The following VPS8 variants were observed in gnomAD, a reference collection of about 807,000 sequenced individuals.
VPS8 encodes the protein VPS8 subunit of CORVET complex, also known as vacuolar protein sorting-associated protein 8 homolog.
Under a neutral mutation model 216.4 loss-of-function variants are expected in VPS8, and 129 were observed. The ratio of observed to expected loss-of-function variants is 0.60; its 90% CI spans 0.52 to 0.69. The LOEUF is 0.69. VPS8 is among the 30% of genes least tolerant of loss of function. VPS8 has a pLI of 0.00. For missense variants in VPS8, 1,531 were observed against 1,683.5 expected (o/e 0.91, Z 1.59); for synonymous variants, 571 against 565.4 (o/e 1.01, Z -0.14).
At chr3:185,041,528 A>T (rs1307160663) in intron 46 of VPS8, among the ~76,000 whole-genome samples, 1 of 152,086 alleles carries the variant, frequency 6.6e-6, no homozygotes, top group Non-Finnish European at 1.5e-5. Context: ...GAGATTATTG[A>T]TCGAGTTACA....
intron 45 of VPS8, among the ~76,000 whole-genome samples, chr3:185,000,241 G>A (rs1045410449): frequency 1.3e-5 from 2 of 152,208 alleles, no homozygotes; most frequent in Admixed American, 6.5e-5. Flanking sequence ...TGACTTTTAA[G>A]TAGGGCTGAT....
At chr3:184,986,232 A>G (rs1238641799) in intron 42 of VPS8, among the ~76,000 whole-genome samples, 1 of 152,208 alleles carries the variant, frequency 6.6e-6, no homozygotes, top group Admixed American at 6.5e-5. Context: ...GGATTATTCT[A>G]TATACACAAA....
intron 40 of VPS8, among the ~76,000 whole-genome samples, chr3:184,975,671 A>T (rs923689930): frequency 6.6e-6 from 1 of 152,078 alleles, no homozygotes; most frequent in Non-Finnish European, 1.5e-5. Context: ...TTTTGGTATG[A>T]TGTTAGCTGT....
At chr3:184,822,157 TG>T (rs1321834118) in intron 1 of VPS8, among the ~76,000 whole-genome samples, 2 of 151,868 alleles carry the variant, frequency 1.3e-5, no homozygotes, top group Admixed American at 6.6e-5. Context: ...TTTTATTTTT[TG>T]GGGGGTCAGG....
At chr3:184,879,848 C>T (rs1464831702) in intron 21 of VPS8, among the ~76,000 whole-genome samples, 3 of 152,158 alleles carry the variant, frequency 2.0e-5, no homozygotes, top group Non-Finnish European at 4.4e-5. Flanking sequence ...AGGGATTATC[C>T]ACTGGACAAT....
At chr3:184,885,835 G>C (rs988243633) in intron 21 of VPS8, 33 of 289,532 alleles carry the variant, frequency 1.1e-4, no homozygotes, top group African/African-American at 6.6e-4. Flanking sequence ...TCCTTCTTCT[G>C]CTCCCTCTGT....
chr3:184,865,056 TA>T (rs1727081373), intron 16 of VPS8, among the ~76,000 whole-genome samples: 1 of 152,148 alleles, frequency 6.6e-6, no homozygotes, highest in Non-Finnish European at 1.5e-5. Flanking sequence ...TAGATGGGAT[TA>T]ATGGCAGATT....
At chr3:184,959,805 CT>C (rs1327486175) in intron 37 of VPS8, among the ~76,000 whole-genome samples, 9 of 151,144 alleles carry the variant, frequency 6.0e-5, no homozygotes, top group East Asian at 1.9e-4. Context: ...TTTCTTTTTT[CT>C]TTTTTTTCCC....
chr3:184,960,227 C>G (rs1019158197), intron 37 of VPS8, among the ~76,000 whole-genome samples: 4 of 152,104 alleles, frequency 2.6e-5, no homozygotes, highest in African/African-American at 9.7e-5. Context: ...TTTTCTTAAT[C>G]CAGTCTATCA....
intron 45 of VPS8, among the ~76,000 whole-genome samples, chr3:185,012,539 A>G (rs1439672893): frequency 6.6e-6 from 1 of 151,856 alleles, no homozygotes; most frequent in African/African-American, 2.4e-5. Context: ...CTCTAGCAGA[A>G]TAAATATAAA....
At chr3:184,835,272 G>A (rs1317897594) in intron 5 of VPS8, among the ~76,000 whole-genome samples, 15 of 152,096 alleles carry the variant, frequency 9.9e-5, no homozygotes, top group Non-Finnish European at 2.2e-4. Context: ...ATATTAACTT[G>A]TCTTAGATCA....
chr3:184,957,522 G>C lies in VPS8; in HGVS notation c.3183+1G>C. 1 of 1,607,530 alleles carries C rather than the reference G, an allele frequency of 6.2e-7. No individual in the cohort carries two copies. The highest frequency in any genetic ancestry group is 8.5e-7 in the Non-Finnish European group (1 of 1,177,172). On this transcript the variant is annotated splice_donor_variant, in intron 37 of 47. Transcript: ENST00000625842. LOFTEE classifies it high-confidence loss of function. The stretch of plus-strand genomic sequence containing the variant: ...CTACCGTCTGGAAGAAACTATTCAG[G>C]TGAGACGAACAATGTAAAAGAGACA...
At chr3:185,047,270 C>A (rs1713137165) in intron 46 of VPS8, among the ~76,000 whole-genome samples, 2 of 152,192 alleles carry the variant, frequency 1.3e-5, no homozygotes, top group Admixed American at 6.5e-5. Context: ...TTGCAGAGTC[C>A]CGTGCATCTG....
At chr3:184,871,072 A>C (rs1019196581) in intron 21 of VPS8, among the ~76,000 whole-genome samples, 1 of 152,112 alleles carries the variant, frequency 6.6e-6, no homozygotes, top group Non-Finnish European at 1.5e-5. Context: ...CCTTTGCTGT[A>C]AACTGATACC....
intron 14 of VPS8, among the ~76,000 whole-genome samples, chr3:184,858,043 A>G (rs724273): frequency 0.47 from 71,460 of 151,992 alleles, 17,814 homozygotes; most frequent in East Asian, 0.67. Context: ...ATCAGAAGGT[A>G]ACTTAAAGGG....
chr3:184,818,990 A>G lies in VPS8; in HGVS notation c.-88-5555A>G, dbSNP rs576792810. On this transcript the variant is annotated intron_variant, in intron 1 of 47. Coordinates refer to ENST00000625842, the MANE Select transcript of VPS8 (RefSeq NM_001009921.3). ...TAAGGCTAACCTGGGCGACATAGCA[A>G]GATCCCATCTCTTAAAAAAAAACTG... Among the ~76,000 whole-genome samples the G allele has an allele frequency of 2.6e-5, 4 of 152,314 alleles. No homozygotes were observed. In the East Asian group the frequency reaches 5.8e-4, roughly 22 times the overall value.
At chr3:185,029,567 CTTTT>C (rs767940348) in intron 46 of VPS8, among the ~76,000 whole-genome samples, 3 of 144,028 alleles carry the variant, frequency 2.1e-5, no homozygotes, top group Non-Finnish European at 3.1e-5. Context: ...CAACATGTAT[CTTTT>C]TTTTTTTTTT....
chr3:184,966,647 T>A, intron 38 of VPS8, 24 bp from the exon 39 acceptor site: 1 of 1,518,256 alleles, frequency 6.6e-7, no homozygotes, highest in Non-Finnish European at 8.9e-7. Flanking sequence ...CCTTTTTAAC[T>A]CCTATGTTCT....
At chr3:184,936,544 T>TGA (rs1472757587) in intron 35 of VPS8, among the ~76,000 whole-genome samples, 1 of 151,318 alleles carries the variant, frequency 6.6e-6, no homozygotes, top group Non-Finnish European at 1.5e-5. Flanking sequence ...TGTGTGTGTG[T>TGA]GTGTGTGTGT....
Sources: allele counts gnomAD v4.1 joint callset (sites outside exome capture counted in the v4.1 genomes callset), GRCh38; gene constraint gnomAD v4.1.1; transcripts MANE v1.5; gene names NCBI Gene and HGNC (gene_info 2026-07-23, HGNC 2026-07-21).